The following SHANK2 variants were observed in gnomAD, a reference collection of about 807,000 sequenced individuals.
SHANK2 encodes the protein SH3 and multiple ankyrin repeat domains protein 2.
SHANK2 carries 43 observed loss-of-function variants against 133.7 expected under a neutral mutation model. That is an observed-to-expected ratio of 0.32 (90% confidence interval 0.25 to 0.41). The LOEUF (loss-of-function observed/expected upper bound fraction) is 0.41, where lower values mean the gene tolerates loss of function less well. Among genes scored for constraint, SHANK2 ranks in the 10% least tolerant of loss-of-function variants. The pLI is 1.00. For missense variants in SHANK2, 1,994 were observed against 2,235.8 expected, an observed-to-expected ratio of 0.89 and a Z score of 2.18; for synonymous variants, 1,017 against 952.8, an observed-to-expected ratio of 1.07 and a Z score of -1.24.
intron 17 of SHANK2, among the ~76,000 whole-genome samples, chr11:70,571,798 G>C (rs782301008): frequency 1.3e-5 from 2 of 152,056 alleles, no homozygotes; most frequent in African/African-American, 2.4e-5. Context: ...TGCGGCATCA[G>C]GGGGCCCCAA....
chr11:70,828,408 C>A (rs1948678067), intron 11 of SHANK2, among the ~76,000 whole-genome samples: 1 of 152,256 alleles, frequency 6.6e-6, no homozygotes, highest in Non-Finnish European at 1.5e-5. Context: ...CATGCATCAC[C>A]GACTCATAAA....
At chr11:70,858,343 G>A (rs1385758161) in intron 11 of SHANK2, among the ~76,000 whole-genome samples, 2 of 152,246 alleles carry the variant, frequency 1.3e-5, no homozygotes, top group East Asian at 1.9e-4. Context: ...CAGGTAGGCA[G>A]GGTGCATGTG....
At chr11:70,926,188 C>T (rs1015647194) in intron 10 of SHANK2, among the ~76,000 whole-genome samples, 1 of 151,648 alleles carries the variant, frequency 6.6e-6, no homozygotes, top group Admixed American at 6.6e-5. Flanking sequence ...CTGGCAGATC[C>T]CTTGAGCTCA....
At chr11:70,513,687 C>G (rs2059232183) in intron 17 of SHANK2, among the ~76,000 whole-genome samples, 1 of 152,092 alleles carries the variant, frequency 6.6e-6, no homozygotes, top group African/African-American at 2.4e-5. Context: ...GACAGGAAAT[C>G]CCAAGGAAAT....
intron 17 of SHANK2, among the ~76,000 whole-genome samples, chr11:70,508,597 A>C (rs945967182): frequency 6.6e-6 from 1 of 152,184 alleles, no homozygotes; most frequent in Non-Finnish European, 1.5e-5. Context: ...GTTCTTATGA[A>C]AAGGGGAAAT....
chr11:70,944,032 C>T, intron 10 of SHANK2: 2 of 453,400 alleles, frequency 4.4e-6, no homozygotes, highest in Non-Finnish European at 8.9e-6. Context: ...ATCATGGTTC[C>T]TGTGTTTATG....
At chr11:71,105,563 G>C (rs1291630041) in intron 6 of SHANK2, among the ~76,000 whole-genome samples, 1 of 134,732 alleles carries the variant, frequency 7.4e-6, no homozygotes, top group Admixed American at 8.6e-5. Flanking sequence ...CTGCACTCCA[G>C]CCTGGGTGAC....
intron 14 of SHANK2, among the ~76,000 whole-genome samples, chr11:70,789,030 T>A (rs1947729637): frequency 6.6e-6 from 1 of 152,124 alleles, no homozygotes. Flanking sequence ...AATGCTAAGC[T>A]GTAAGATGCT....
rs59729194 is a variant in SHANK2 at position 70,844,811 on chromosome 11, G to A, written c.1175-24129C>T. ...AAATGCCAGGTCAAAAGGTCTGAGC[G>A]CCCCCATGGCCCTGGGCACGTGTCT... On this transcript the variant is annotated intron_variant, in intron 11 of 25. Transcript: ENST00000601538. Among the ~76,000 whole-genome samples the A allele has an allele frequency of 7.0e-3, 1,064 of 152,172 alleles. 12 individuals are homozygous for A. The highest frequency in any genetic ancestry group is 0.023 in the African/African-American group (954 of 41,508).
intron 11 of SHANK2, among the ~76,000 whole-genome samples, chr11:70,872,850 G>A (rs2135547355): frequency 6.6e-6 from 1 of 152,250 alleles, no homozygotes; most frequent in Non-Finnish European, 1.5e-5. Context: ...GTGGAACATG[G>A]CATTGATTGC....
chr11:70,612,061 C>T (rs1438333106), intron 17 of SHANK2, among the ~76,000 whole-genome samples: 5 of 151,928 alleles, frequency 3.3e-5, no homozygotes, highest in Admixed American at 6.6e-5. Context: ...AGGCGGCGTC[C>T]GGGCGTGACA....
intron 14 of SHANK2, among the ~76,000 whole-genome samples, chr11:70,735,198 G>A (rs545799273): frequency 4.6e-5 from 7 of 152,290 alleles, no homozygotes; most frequent in East Asian, 1.9e-4. Context: ...CAAGAGAGGC[G>A]GCGGGGACTG....
intron 3 of SHANK2, among the ~76,000 whole-genome samples, chr11:71,142,058 CCAAA>C (rs1199308815): frequency 2.0e-5 from 3 of 151,486 alleles, no homozygotes; most frequent in Non-Finnish European, 2.9e-5. Context: ...AGAAAACCTA[CCAAA>C]CAAACAACTC....
At chr11:70,845,923 G>C (rs1948990166) in intron 11 of SHANK2, among the ~76,000 whole-genome samples, 2 of 152,162 alleles carry the variant, frequency 1.3e-5, no homozygotes, top group East Asian at 3.9e-4. Flanking sequence ...CTGGGGGCAG[G>C]AAACGGAGCC....
chr11:70,649,226 C>T (rs1183642558), intron 17 of SHANK2, among the ~76,000 whole-genome samples: 1 of 152,162 alleles, frequency 6.6e-6, no homozygotes, highest in Non-Finnish European at 1.5e-5. Flanking sequence ...CCATGACCCC[C>T]TAGGTCCTGC....
At chr11:70,843,540 T>C (rs1332124002) in intron 11 of SHANK2, among the ~76,000 whole-genome samples, 3 of 151,890 alleles carry the variant, frequency 2.0e-5, no homozygotes, top group East Asian at 1.9e-4. Flanking sequence ...TCCATTCTCA[T>C]TGATGTCCTT....
chr11:70,932,088 C>G (rs1950512032), intron 10 of SHANK2, among the ~76,000 whole-genome samples: 1 of 152,104 alleles, frequency 6.6e-6, no homozygotes, highest in Non-Finnish European at 1.5e-5. Flanking sequence ...GTGGAAATGT[C>G]TTTTTCAAGC....
intron 11 of SHANK2, among the ~76,000 whole-genome samples, chr11:70,865,985 C>G (rs1425671780): frequency 6.6e-6 from 1 of 152,152 alleles, no homozygotes; most frequent in Non-Finnish European, 1.5e-5. Flanking sequence ...TCCCCTGGGC[C>G]CTCTCCTCCC....
In SHANK2 at chr11:70,687,878, G is replaced by A. The variant is rs369497068; in HGVS notation, c.1853+10810C>T. On this transcript the variant is annotated intron_variant, in intron 15 of 25. Transcript: ENST00000601538. ...CCAGGCCCTCCTCTGCTGCTGCTCC[G>A]ATGGCCCCACCCACCACCGGTGTCC... Among the ~76,000 whole-genome samples, 14 of 152,170 alleles carry A rather than the reference G, an allele frequency of 9.2e-5. No homozygotes were observed. In the South Asian group the frequency reaches 2.3e-3, roughly 25 times the overall value.
Sources: allele counts gnomAD v4.1 joint callset (sites outside exome capture counted in the v4.1 genomes callset), GRCh38; gene constraint gnomAD v4.1.1; transcripts MANE v1.5; gene names NCBI Gene and HGNC (gene_info 2026-07-23, HGNC 2026-07-21).